Variants in BTAF1 observed in about 807,000 individuals in gnomAD.
BTAF1 encodes B-TFIID TATA-box binding protein associated factor 1.
A neutral mutation model predicts 227.1 loss-of-function variants in BTAF1; 38 were observed. The ratio of observed to expected loss-of-function variants is 0.17; its 90% CI spans 0.13 to 0.22. BTAF1 has a LOEUF of 0.22. Ranked by LOEUF, BTAF1 falls within the 10% of genes least tolerant of loss-of-function variation. The probability of loss-of-function intolerance (pLI) is 1.00; values close to 1 mark genes in which losing one functional copy is unlikely to be tolerated. For missense variants in BTAF1, 1,598 were observed against 2,204.0 expected (o/e 0.73, Z 5.51); for synonymous variants, 742 against 751.9 (o/e 0.99, Z 0.21).
In BTAF1 at chr10:91,993,801, T is replaced by A; in HGVS notation, c.3153T>A (p.Asp1051Glu). The A allele has an allele frequency of 6.2e-7, 1 of 1,608,914 alleles. No homozygotes were observed. The highest frequency in any genetic ancestry group is 8.5e-7 in the Non-Finnish European group (1 of 1,176,972). The change falls in exon 22 of 38, where the codon GAT becomes GAA. Residue 1051 changes from aspartate (D) to glutamate (E), a missense_variant. By Grantham distance (45) the Asp-to-Glu change is conservative (BLOSUM62 2). Around this residue, in one of 10 missense-constraint regions of BTAF1, gnomAD observed 425 missense variants for 491.2 expected, o/e 0.87. Coordinates refer to ENST00000265990, the MANE Select transcript of BTAF1 (RefSeq NM_003972.3). Reference sequence around the variant, plus strand: ...CAGTGAAGTTGCCACATCTCTGGGATGCTATGGTTGGCCCATTGAGGAATA... The same window carrying A: ...CAGTGAAGTTGCCACATCTCTGGGAAGCTATGGTTGGCCCATTGAGGAATA... ...EMAVKLPHLW[D>E]AMVGPLRNTI...
intron 15 of BTAF1, among the ~76,000 whole-genome samples, 193 bp from the exon 16 acceptor site, chr10:91,981,450 C>T (rs1238392384): frequency 2.0e-5 from 3 of 151,784 alleles, no homozygotes; most frequent in Non-Finnish European, 4.4e-5. Flanking sequence ...CTTTCCTTTG[C>T]ATGACTTTTT....
Position 92,028,791 on chromosome 10 carries a change from A to G in BTAF1, c.5408A>G (p.Asp1803Gly), listed in dbSNP as rs1347636079. Residue 1803 changes from aspartate to glycine, a missense_variant and splice_region_variant, in exon 38 of 38, where the codon GAT (aspartate) becomes GGT (glycine). Physicochemically the swap from Asp to Gly is moderately conservative, Grantham distance 94. Transcript: ENST00000265990. The part of the protein sequence containing the change: ...QLLDLFTLDK[D>G]GKAEKADTST... ...TTTTTTTTGCCAATTTTTCTTAAGG[A>G]TGGCAAAGCAGAAAAAGCTGACACC... 6.4e-7 allele frequency: 1 copy of G among 1,574,496 alleles called. No individual in the cohort carries two copies. The highest frequency in any genetic ancestry group is 1.2e-5 in the South Asian group (1 of 82,968).
intron 25 of BTAF1, among the ~76,000 whole-genome samples, chr10:92,002,316 A>C (rs555003224): frequency 6.6e-6 from 1 of 152,322 alleles, no homozygotes; most frequent in East Asian, 1.9e-4. Flanking sequence ...ATGTTGTCAA[A>C]GAATCTTGGA....
intron 6 of BTAF1, 21 bp from the exon 7 acceptor site, chr10:91,956,507 A>T: frequency 6.3e-7 from 1 of 1,587,064 alleles, no homozygotes; most frequent in Non-Finnish European, 8.5e-7. Flanking sequence ...CATTTTCTAA[A>T]TGGTGACTTT....
intron 14 of BTAF1, among the ~76,000 whole-genome samples, chr10:91,978,802 G>A (rs1847869694): frequency 1.5e-5 from 2 of 131,344 alleles, no homozygotes; most frequent in South Asian, 5.0e-4. Context: ...TCCAATGGAT[G>A]ATTTATGGCT....
chr10:92,011,470 G>A lies in BTAF1; in HGVS notation c.4311+55G>A, dbSNP rs554176555. On this transcript the variant is annotated intron_variant, in intron 30 of 37. Transcript: ENST00000265990. ...ATTTTTATTTTTATTTTTCATGTTT[G>A]CCAGGTGGAGGGTAGGCTTGGTATT... is the stretch of plus-strand genomic sequence containing the variant. The A allele has an allele frequency of 2.2e-5, 19 of 859,382 alleles. No individual in the cohort carries two copies. The African/African-American group carries it at 3.2e-4, about 14-fold the overall frequency. The allele number at this position is 859,382 out of a possible 1,614,324, so 53.2% of individuals were successfully genotyped here. A position where few individuals can be genotyped will look rare whatever the true frequency, so the allele number is the denominator to read the frequency against.
intron 4 of BTAF1, among the ~76,000 whole-genome samples, chr10:91,950,942 G>C (rs1427115247): frequency 6.7e-6 from 1 of 149,378 alleles, no homozygotes; most frequent in African/African-American, 2.5e-5. Context: ...CAAGCCTCTC[G>C]CCTTCAGCCC....
At position 91,927,980 on chromosome 10, in the gene BTAF1, CTTT is replaced by C. The variant is rs60105160; in HGVS notation, c.14+3907_14+3909del. On this transcript the variant is annotated intron_variant, in intron 1 of 37. Transcript: ENST00000265990. ...ACTTTTGAGTTTAACTGCCTTTTTT[CTTT>C]TTTTTTTTTTTTTTTTGCAGTAAGG... Among the ~76,000 whole-genome samples the C allele has an allele frequency of 8.9e-3, 1,076 of 121,560 alleles. 10 individuals are homozygous for C. The highest frequency in any genetic ancestry group is 0.028 in the African/African-American group (914 of 32,558). The allele number at this position is 121,560 out of a possible 152,430, so 79.7% of individuals were successfully genotyped here. A position where few individuals can be genotyped will look rare whatever the true frequency, so the allele number is the denominator to read the frequency against.
At chr10:91,970,812 T>C (rs1015596759) in intron 14 of BTAF1, among the ~76,000 whole-genome samples, 1 of 152,224 alleles carries the variant, frequency 6.6e-6, no homozygotes, top group Non-Finnish European at 1.5e-5. Context: ...ATGTGAGAGA[T>C]GTCAGACAGC....
intron 14 of BTAF1, among the ~76,000 whole-genome samples, chr10:91,969,075 T>G (rs575736754): frequency 1.3e-5 from 2 of 151,372 alleles, no homozygotes; most frequent in South Asian, 4.2e-4. Flanking sequence ...GATGAGGTCT[T>G]GCTAGGTTAC....
intron 34 of BTAF1, among the ~76,000 whole-genome samples, chr10:92,021,538 T>G (rs1851122153): frequency 6.7e-6 from 1 of 150,128 alleles, no homozygotes; most frequent in Non-Finnish European, 1.5e-5. Context: ...ATTGAGTTGT[T>G]TTTTTTTTTC....
intron 3 of BTAF1, among the ~76,000 whole-genome samples, chr10:91,941,460 T>C (rs1844994284): frequency 6.6e-6 from 1 of 152,208 alleles, no homozygotes; most frequent in Non-Finnish European, 1.5e-5. Flanking sequence ...TAATTATATT[T>C]TAACATGTAT....
chr10:92,002,383 G>C (rs1849609160), intron 25 of BTAF1, among the ~76,000 whole-genome samples: 1 of 152,132 alleles, frequency 6.6e-6, no homozygotes, highest in African/African-American at 2.4e-5. Flanking sequence ...AGTAACTTTT[G>C]CTGATTTTTA....
At chr10:91,960,662 A>G (rs12217958) in intron 11 of BTAF1, among the ~76,000 whole-genome samples, 59 of 151,464 alleles carry the variant, frequency 3.9e-4, no homozygotes, top group East Asian at 2.1e-3. Context: ...ATTTTCATAT[A>G]GGGAAATAAG....
chr10:91,992,332 TAATGCTTTGA>T, intron 21 of BTAF1, 23 bp downstream of exon 21: 1 of 1,292,874 alleles, frequency 7.7e-7, no homozygotes, highest in Non-Finnish European at 1.1e-6. Flanking sequence ...TTTTTTTTTT[TAATGCTTTGA>T]TTTTTAAACA....
In BTAF1 at chr10:91,959,525, G is replaced by T. The variant is rs560805417; in HGVS notation, c.991-260G>T. On this transcript the variant is annotated intron_variant, in intron 9 of 37. Transcript: ENST00000265990. ...AATTGTGATATAGTATATCTGAATT[G>T]AATTAATGATCAAAGGGGATATGAG... Among the ~76,000 whole-genome samples the T allele has an allele frequency of 8.6e-5, 13 of 151,804 alleles. No homozygotes were observed. In the East Asian group the frequency reaches 1.2e-3, roughly 14 times the overall value.
intron 8 of BTAF1, among the ~76,000 whole-genome samples, chr10:91,957,733 A>C (rs60122533): frequency 1.5e-3 from 225 of 152,292 alleles, no homozygotes; most frequent in African/African-American, 5.3e-3. Context: ...GTAGTTTCAA[A>C]CCATTGTTTC....
intron 1 of BTAF1, among the ~76,000 whole-genome samples, chr10:91,924,416 C>G (rs892426724): frequency 2.2e-4 from 34 of 152,228 alleles, no homozygotes; most frequent in African/African-American, 7.7e-4. Flanking sequence ...TCTCAGTATT[C>G]TAAGGCTGGT....
intron 12 of BTAF1, among the ~76,000 whole-genome samples, chr10:91,963,385 C>T (rs967813449): frequency 6.6e-6 from 1 of 150,670 alleles, no homozygotes; most frequent in Non-Finnish European, 1.5e-5. Context: ...CGCCACTGCA[C>T]TCCAGCCTGG....
Sources: gnomAD v4.1 joint callset for allele counts (sites outside exome capture counted in the v4.1 genomes callset) on GRCh38, gnomAD v4.1.1 for gene constraint, gnomAD v4.1.1 regional missense constraint, MANE v1.5 for transcripts, NCBI Gene and HGNC (gene_info 2026-07-23, HGNC 2026-07-21) for gene names.